The following PRKACB variants were observed in gnomAD, a reference collection of about 807,000 sequenced individuals.
PRKACB encodes cAMP-dependent protein kinase catalytic subunit beta.
Under a neutral mutation model 51.4 loss-of-function variants are expected in PRKACB, and 16 were observed. That is an observed-to-expected ratio of 0.31 (90% CI 0.21 to 0.47). The LOEUF (loss-of-function observed/expected upper bound fraction) is 0.47. Ranked by LOEUF, PRKACB falls within the 20% of genes least tolerant of loss-of-function variation. PRKACB has a pLI of 1.00. For synonymous variants in PRKACB, 147 were observed against 154.4 expected (o/e 0.95, Z 0.35); for missense variants, 309 against 464.5 (o/e 0.67, Z 3.08).
chr1:84,095,702 A>G (rs1033611059), intron 1 of PRKACB, among the ~76,000 whole-genome samples: 2 of 151,938 alleles, frequency 1.3e-5, no homozygotes, highest in Non-Finnish European at 2.9e-5. Context: ...CAATAAGCAT[A>G]TCTTAATATG....
intron 5 of PRKACB, among the ~76,000 whole-genome samples, chr1:84,188,201 T>C (rs1466097771): frequency 8.6e-6 from 1 of 115,890 alleles, no homozygotes; most frequent in African/African-American, 2.9e-5. Flanking sequence ...ACCAAAATAT[T>C]TAAGAACTAA....
At chr1:84,204,878 CCAAT>C in intron 8 of PRKACB, 1 of 982,964 alleles carries the variant, frequency 1.0e-6, no homozygotes, top group Non-Finnish European at 1.2e-6. Flanking sequence ...CCTCGATTTG[CCAAT>C]CATTCTCTAT....
At position 84,156,046 on chromosome 1, in the gene PRKACB, T is replaced by C. The variant is rs1571870382; in HGVS notation, c.187+11498T>C. On this transcript the variant is annotated intron_variant, in intron 1 of 9. Coordinates refer to ENST00000370685, the MANE Select transcript of PRKACB (RefSeq NM_182948.4). ...CTATGTTGCCCAGGCTGGAGAGTAG[T>C]GGTGTGATCATGGCTCACTGCAGCC... Among the ~76,000 whole-genome samples, 3 of 152,108 alleles carry C rather than the reference T, an allele frequency of 2.0e-5. No homozygotes were observed. The East Asian group carries it at 5.8e-4, about 29-fold the overall frequency.
rs114763669 is a variant in PRKACB at position 84,129,359 on chromosome 1, G to T, written c.47-49818G>T. 7.3e-3 allele frequency among the ~76,000 whole-genome samples: 1,111 copies of T among 152,060 alleles called. 15 individuals are homozygous for T. Among genetic ancestry groups the T allele is most frequent in the African/African-American group, 0.025 (1,029 of 41,514 alleles). On this transcript the variant is annotated intron_variant, in intron 1 of 8. Transcript: ENST00000370688. The stretch of plus-strand genomic sequence containing the variant: ...TATGTATTTGAAAATATATCAGTTT[G>T]CCAAGAGTGAATCAATTTCATATTA...
In PRKACB at chr1:84,144,372, A is replaced by G. The variant is rs1241564906; in HGVS notation, c.11A>G (p.Tyr4Cys). ...TGTAAATGCACATGAATGGCAGCTT[A>G]TAGAGAACCACCTTGTAACCAGTAT... MAA[Y>C]REPPCNQYTG... Residue 4 changes from tyrosine (Y) to cysteine (C), a missense_variant, in exon 1 of 10, where the codon TAT becomes TGT. Tyr to Cys is a radical substitution (Grantham distance 194). This residue lies in a region of PRKACB where 153 missense variants were observed against 190.2 expected (regional missense o/e 0.80). Coordinates refer to ENST00000370685, the MANE Select transcript of PRKACB (RefSeq NM_182948.4). 6 of 1,610,140 alleles carry G rather than the reference A, an allele frequency of 3.7e-6. No individual in the cohort carries two copies. Among genetic ancestry groups the G allele is most frequent in the South Asian group, 3.3e-5 (3 of 90,552 alleles).
chr1:84,213,910 T>G (rs1235921884), intron 8 of PRKACB, among the ~76,000 whole-genome samples: 1 of 152,228 alleles, frequency 6.6e-6, no homozygotes, highest in Non-Finnish European at 1.5e-5. Flanking sequence ...CTCCATGTTC[T>G]TAAAGACATC....
At position 84,165,999 on chromosome 1, in the gene PRKACB, C is replaced by T. The variant is rs76090342; in HGVS notation, c.188-13178C>T. Among the ~76,000 whole-genome samples the T allele has an allele frequency of 2.8e-4, 43 of 151,696 alleles. No individual in the cohort carries two copies. The East Asian group carries it at 7.2e-3, about 25-fold the overall frequency. ...GTATAATGATAGAATTCAAAATTGA[C>T]GAACCTTTTCTTTCATAACTGGAGA... On this transcript the variant is annotated intron_variant, in intron 1 of 9. Coordinates refer to ENST00000370685, the MANE Select transcript of PRKACB (RefSeq NM_182948.4).
chr1:84,139,753 A>G (rs1571763291), upstream of PRKACB, among the ~76,000 whole-genome samples: 1 of 152,192 alleles, frequency 6.6e-6, no homozygotes, highest in East Asian at 1.9e-4. Context: ...AGTAGCCAAA[A>G]CAACTTCGAA....
rs1672560625 is a variant in PRKACB at position 84,214,333 on chromosome 1, T to C, written c.1071+16T>C. 6.4e-7 allele frequency: 1 copy of C among 1,550,838 alleles called. No individual in the cohort carries two copies. Among genetic ancestry groups the C allele is most frequent in the Non-Finnish European group, 8.7e-7 (1 of 1,151,132 alleles). On this transcript the variant is annotated intron_variant, in intron 9 of 9. Transcript: ENST00000370685. The stretch of plus-strand genomic sequence containing the variant: ...CCAGAGGAAGGTGAGACTTTCTTTT[T>C]TAATTTAAAAGCTTTTTTAAAGTTG...
chr1:84,084,675 T>C (rs1647822170), intron 1 of PRKACB, among the ~76,000 whole-genome samples: 1 of 152,088 alleles, frequency 6.6e-6, no homozygotes, highest in Non-Finnish European at 1.5e-5. Context: ...ACTGATTGCA[T>C]GTGGGAAATG....
chr1:84,161,134 C>T (rs900564134), intron 1 of PRKACB, among the ~76,000 whole-genome samples: 1 of 151,588 alleles, frequency 6.6e-6, no homozygotes, highest in African/African-American at 2.4e-5. Flanking sequence ...TATTTTAGTA[C>T]TGTGGGGGCT....
At chr1:84,195,173 A>G (rs138434741) in intron 5 of PRKACB, among the ~76,000 whole-genome samples, 1 of 152,340 alleles carries the variant, frequency 6.6e-6, no homozygotes, top group East Asian at 1.9e-4. Flanking sequence ...ATCTCTGCTT[A>G]CAATGTTCTC....
intron 1 of PRKACB, chr1:84,165,056 ATATATT>A: frequency 4.3e-6 from 6 of 1,400,740 alleles, no homozygotes; most frequent in Non-Finnish European, 5.8e-6. Flanking sequence ...TATTTAAAAA[ATATATT>A]TATAAGAGGA....
chr1:84,128,226 T>G (rs1244033724), intron 1 of PRKACB, among the ~76,000 whole-genome samples: 1 of 151,862 alleles, frequency 6.6e-6, no homozygotes, highest in East Asian at 1.9e-4. Context: ...TTAGAATTAT[T>G]TCTTTAATGT....
intron 1 of PRKACB, among the ~76,000 whole-genome samples, chr1:84,106,405 G>A (rs1040998034): frequency 2.0e-5 from 3 of 152,128 alleles, no homozygotes; most frequent in Admixed American, 6.6e-5. Flanking sequence ...CAACTTCAAC[G>A]AAGTTTCAGG....
chr1:84,187,607 A>G (rs1241856979), intron 5 of PRKACB, among the ~76,000 whole-genome samples: 2 of 152,122 alleles, frequency 1.3e-5, no homozygotes, highest in East Asian at 3.9e-4. Context: ...AGCGGTTCTC[A>G]TTTTAGTAAT....
chr1:84,167,465 A>T (rs1386749859), intron 1 of PRKACB, among the ~76,000 whole-genome samples: 1 of 151,546 alleles, frequency 6.6e-6, no homozygotes, highest in Non-Finnish European at 1.5e-5. Flanking sequence ...AGAACCAGTC[A>T]TTACCTCCGA....
chr1:84,145,563 T>G (rs1374790415), intron 1 of PRKACB, among the ~76,000 whole-genome samples: 1 of 152,144 alleles, frequency 6.6e-6, no homozygotes, highest in Non-Finnish European at 1.5e-5. Context: ...TTTGAATTAA[T>G]TTTTTACTAA....
intron 1 of PRKACB, chr1:84,078,464 GGGCCA>G: frequency 6.8e-7 from 1 of 1,470,624 alleles, no homozygotes; most frequent in South Asian, 1.2e-5. Context: ...CCGCGGGCAC[GGGCCA>G]GGCCTAGCAG....
Sources: allele counts gnomAD v4.1 joint callset (sites outside exome capture counted in the v4.1 genomes callset), GRCh38; gene constraint gnomAD v4.1.1; regional missense constraint gnomAD v4.1.1; transcripts MANE v1.5; gene names NCBI Gene and HGNC (gene_info 2026-07-23, HGNC 2026-07-21).